The following PRELID2 variants were observed in gnomAD, a reference collection of about 807,000 sequenced individuals.
PRELID2 encodes PRELI domain containing 2.
PRELID2 carries 25 observed loss-of-function variants against 28.4 expected under a neutral mutation model. That is an observed-to-expected ratio of 0.88 (90% CI 0.64 to 1.23). The LOEUF is 1.23. Among genes scored for constraint, PRELID2 ranks in the 50% most tolerant of loss-of-function variants. PRELID2 has a pLI of 0.00. For synonymous variants in PRELID2, 76 were observed against 71.6 expected (o/e 1.06, Z -0.31); for missense variants, 201 against 214.4 (o/e 0.94, Z 0.39).
chr5:145,694,571 A>T (rs182434842), intron 1 of PRELID2, among the ~76,000 whole-genome samples: 192 of 152,310 alleles, frequency 1.3e-3, no homozygotes, highest in Middle Eastern at 3.4e-3. Flanking sequence ...TATTTGAAGA[A>T]TTTGAAGTCC....
chr5:145,821,152 G>GGTGTGTGTGTGTGTGGGTGTGTGTGTGT (rs1754766725), intron 2 of PRELID2, among the ~76,000 whole-genome samples: 1 of 88,192 alleles, frequency 1.1e-5, no homozygotes, highest in Non-Finnish European at 2.5e-5. Context: ...AACTCTCCTG[G>GGTGTGTGTGTGTGTGGGTGTGTGTGTGT]GTGTGTGTGT....
chr5:145,460,451 T>TTA, the PRELID2 span, among the ~76,000 whole-genome samples: 1 of 152,214 alleles, frequency 6.6e-6, no homozygotes, highest in Non-Finnish European at 1.5e-5. Flanking sequence ...TGAAACACAC[T>TTA]TATTAATTTC....
chr5:145,233,070 T>C, the PRELID2 span, among the ~76,000 whole-genome samples: 4 of 152,030 alleles, frequency 2.6e-5, no homozygotes, highest in Non-Finnish European at 5.9e-5. Flanking sequence ...ATTTGTTATG[T>C]ATTTAATATC....
At chr5:145,643,841 C>G (rs1056660456) in intron 1 of PRELID2, among the ~76,000 whole-genome samples, 1 of 152,258 alleles carries the variant, frequency 6.6e-6, no homozygotes, top group South Asian at 2.1e-4. Context: ...GTTGGACCAG[C>G]CTTGCATCTC....
intron 4 of PRELID2, among the ~76,000 whole-genome samples, chr5:145,806,625 C>A (rs1302787700): frequency 6.6e-6 from 1 of 152,110 alleles, no homozygotes; most frequent in African/African-American, 2.4e-5. Flanking sequence ...CATTTATTAC[C>A]ATTTATATGG....
chr5:145,562,398 C>T (rs911230243), intron 1 of PRELID2, among the ~76,000 whole-genome samples: 1 of 152,118 alleles, frequency 6.6e-6, no homozygotes, highest in Non-Finnish European at 1.5e-5. Flanking sequence ...ATCAATCTCT[C>T]CTTCAATTTT....
intron 1 of PRELID2, among the ~76,000 whole-genome samples, chr5:145,535,173 T>A (rs1013027753): frequency 1.4e-4 from 22 of 151,966 alleles, no homozygotes; most frequent in African/African-American, 5.3e-4. Flanking sequence ...TTAAACTTGT[T>A]AAAAATTACA....
At chr5:145,374,930 C>A in the PRELID2 span, among the ~76,000 whole-genome samples, 1 of 152,168 alleles carries the variant, frequency 6.6e-6, no homozygotes, top group Non-Finnish European at 1.5e-5. Context: ...TTAGAACATG[C>A]TACTTCAGCT....
the PRELID2 span, among the ~76,000 whole-genome samples, chr5:145,297,593 A>G: frequency 6.6e-6 from 1 of 152,044 alleles, no homozygotes; most frequent in Non-Finnish European, 1.5e-5. Context: ...ACTCCTATTC[A>G]ACATAGTGTT....
intron 1 of PRELID2, among the ~76,000 whole-genome samples, chr5:145,537,489 T>C (rs940713432): frequency 6.6e-6 from 1 of 151,944 alleles, no homozygotes; most frequent in African/African-American, 2.4e-5. Flanking sequence ...ACTTGTTTTC[T>C]TCTGTCTTTT....
intron 1 of PRELID2, among the ~76,000 whole-genome samples, chr5:145,738,716 GTCA>G (rs911549624): frequency 6.6e-6 from 1 of 152,090 alleles, no homozygotes; most frequent in African/African-American, 2.4e-5. Flanking sequence ...TCTAACTCCT[GTCA>G]TCATAATTCC....
chr5:145,731,769 T>A (rs1756353728), intron 1 of PRELID2, among the ~76,000 whole-genome samples: 1 of 152,178 alleles, frequency 6.6e-6, no homozygotes, highest in Non-Finnish European at 1.5e-5. Context: ...AGGTCTACCT[T>A]TCCCTCTCAG....
chr5:145,334,798 G>A, the PRELID2 span, among the ~76,000 whole-genome samples: 1 of 142,930 alleles, frequency 7.0e-6, no homozygotes, highest in South Asian at 2.3e-4. Flanking sequence ...TCACCACATT[G>A]GATATAGCAG....
At chr5:145,714,884 C>T (rs556392961) in intron 1 of PRELID2, among the ~76,000 whole-genome samples, 3 of 152,156 alleles carry the variant, frequency 2.0e-5, no homozygotes, top group South Asian at 2.1e-4. Flanking sequence ...TTCTGGGCTC[C>T]GCTACTTATT....
the PRELID2 span, among the ~76,000 whole-genome samples, chr5:145,284,263 T>C: frequency 1.2e-4 from 18 of 152,146 alleles, no homozygotes; most frequent in Non-Finnish European, 2.5e-4. Flanking sequence ...TGTAACATGA[T>C]TGGGGAGTAG....
At chr5:145,415,577 A>G in the PRELID2 span, among the ~76,000 whole-genome samples, 1 of 150,386 alleles carries the variant, frequency 6.6e-6, no homozygotes, top group Non-Finnish European at 1.5e-5. Context: ...GATGATTTCC[A>G]ATTTCATCCA....
At chr5:145,538,467 C>T (rs990141433) in intron 1 of PRELID2, among the ~76,000 whole-genome samples, 4 of 151,882 alleles carry the variant, frequency 2.6e-5, no homozygotes, top group Admixed American at 2.6e-4. Context: ...CTAAGTCACA[C>T]CAGCTGCATT....
At chr5:145,269,571 G>C in the PRELID2 span, among the ~76,000 whole-genome samples, 1 of 151,774 alleles carries the variant, frequency 6.6e-6, no homozygotes, top group South Asian at 2.1e-4. Context: ...TTGTGCCCTT[G>C]AGGTGGGCAA....
At chr5:145,409,764 AAAG>A in the PRELID2 span, among the ~76,000 whole-genome samples, 10 of 151,774 alleles carry the variant, frequency 6.6e-5, no homozygotes, top group African/African-American at 2.2e-4. Flanking sequence ...AAAAAAAAAA[AAAG>A]ACAAAGAGAG....
Sources: gnomAD v4.1 joint callset for allele counts (sites outside exome capture counted in the v4.1 genomes callset) on GRCh38, gnomAD v4.1.1 for gene constraint, MANE v1.5 for transcripts, NCBI Gene and HGNC (gene_info 2026-07-23, HGNC 2026-07-21) for gene names.